Variants in CREB1 observed in about 807,000 individuals in gnomAD.
CREB1 encodes cAMP responsive element binding protein 1.
CREB1 carries 2 observed loss-of-function variants against 42.0 expected under a neutral mutation model. The ratio of observed to expected loss-of-function variants is 0.05; its 90% CI spans 0.02 to 0.15. CREB1 has a LOEUF of 0.15. Ranked by LOEUF, CREB1 falls within the 10% of genes least tolerant of loss-of-function variation. CREB1 has a pLI of 1.00. For synonymous variants in CREB1, 123 were observed against 139.9 expected, an observed-to-expected ratio of 0.88 and a Z score of 0.85; for missense variants, 199 against 388.9, an observed-to-expected ratio of 0.51 and a Z score of 4.11.
chr2:207,576,761 A>G (rs191044965), intron 6 of CREB1: 1 of 1,068,384 alleles, frequency 9.4e-7, no homozygotes, highest in Non-Finnish European at 1.2e-6. Flanking sequence ...AATAATTAAT[A>G]TGAATAATTT....
rs1267176059 is a variant in CREB1 at position 207,604,736 on chromosome 2, A to T, written c.*7678A>T. On this transcript the variant is annotated 3_prime_UTR_variant, in exon 8 of 8. Transcript: ENST00000353267. ...CAAAAGTAAAGTCCCGTTACTCTCC[A>T]TTTTCTCCTCCCACCGCCCTTGTCC... Among the ~76,000 whole-genome samples the T allele has an allele frequency of 1.3e-5, 2 of 151,792 alleles. No homozygotes were observed. Among genetic ancestry groups the T allele is most frequent in the African/African-American group, 4.8e-5 (2 of 41,288 alleles).
At chr2:207,557,091 T>TTCCAGCCGGGG (rs1214746029) in intron 2 of CREB1, among the ~76,000 whole-genome samples, 39 of 152,010 alleles carry the variant, frequency 2.6e-4, no homozygotes, top group Middle Eastern at 3.2e-3. Flanking sequence ...TGAACTGAGA[T>TTCCAGCCGGGG]TGCGCCACTG....
intron 5 of CREB1, among the ~76,000 whole-genome samples, chr2:207,570,629 A>G (rs1036818206): frequency 9.2e-5 from 14 of 152,256 alleles, no homozygotes; most frequent in Admixed American, 2.0e-4. Context: ...TTGAGGCCTC[A>G]TGTGTTGAGA....
rs905874599 is a variant in CREB1 at position 207,598,055 on chromosome 2, A to T, written c.*997A>T. Reference sequence around the variant, plus strand: ...CACCAAGAAAGCCTTCAAGATGTCAAATAAAGCAAAGTGATATATATTTGT... The same window carrying T: ...CACCAAGAAAGCCTTCAAGATGTCATATAAAGCAAAGTGATATATATTTGT... On this transcript the variant is annotated 3_prime_UTR_variant, in exon 8 of 8. Coordinates refer to ENST00000353267, the MANE Select transcript of CREB1 (RefSeq NM_004379.5). 1 of 181,378 alleles carries T rather than the reference A, an allele frequency of 5.5e-6. No homozygotes were observed. The allele number at this position is 181,378 out of a possible 1,614,324, so 11.2% of individuals were successfully genotyped here.
At chr2:207,534,205 A>G (rs889895) in intron 1 of CREB1, among the ~76,000 whole-genome samples, 24,092 of 152,206 alleles carry the variant, frequency 0.16, 2,100 homozygotes, top group Middle Eastern at 0.21. Context: ...TGCAAGTGTC[A>G]AGTGCTCAAG....
intron 7 of CREB1, among the ~76,000 whole-genome samples, chr2:207,579,504 A>G (rs1400426292): frequency 1.3e-5 from 2 of 152,120 alleles, no homozygotes; most frequent in East Asian, 1.9e-4. Flanking sequence ...TTTTTGTTCT[A>G]TTTATTTTTC....
At chr2:207,532,068 A>T (rs1268760615) in intron 1 of CREB1, among the ~76,000 whole-genome samples, 1 of 152,088 alleles carries the variant, frequency 6.6e-6, no homozygotes, top group African/African-American at 2.4e-5. Flanking sequence ...TCTTGTTAAG[A>T]ATATAAGTCG....
intron 1 of CREB1, among the ~76,000 whole-genome samples, chr2:207,549,719 C>T (rs577497541): frequency 1.3e-5 from 2 of 152,154 alleles, no homozygotes; most frequent in South Asian, 4.2e-4. Context: ...TAGACGAGCT[C>T]ACACCTGTAG....
chr2:207,559,855 G>A (rs1406339957), intron 2 of CREB1, among the ~76,000 whole-genome samples: 1 of 152,194 alleles, frequency 6.6e-6, no homozygotes, highest in Non-Finnish European at 1.5e-5. Flanking sequence ...TTATCACCCA[G>A]TCTTCAGTTT....
rs1017236546 is a variant in CREB1, at chr2:207,601,098, A to G, written c.*4040A>G. ...AAGTGAGTTTTAGAAATAGTGTTAC[A>G]TACCTTTTCAGTTGTTTTCAAGAGG... On this transcript the variant is annotated 3_prime_UTR_variant, in exon 8 of 8. Coordinates refer to ENST00000353267, the MANE Select transcript of CREB1 (RefSeq NM_004379.5). 1.8e-5 allele frequency: 3 copies of G among 169,762 alleles called. No homozygotes were observed. The highest frequency in any genetic ancestry group is 9.4e-5 in the East Asian group (1 of 10,626). The allele number at this position is 169,762 out of a possible 1,614,324, so 10.5% of individuals were successfully genotyped here.
rs1442030102 is a variant in CREB1, at chr2:207,601,603, T to C, written c.*4545T>C. The stretch of plus-strand genomic sequence containing the variant: ...TATCCTCATCACAACATTAATACTG[T>C]ACATAGTATGCCAAAATATCCATTA... On this transcript the variant is annotated 3_prime_UTR_variant, in exon 8 of 8. Coordinates refer to ENST00000353267, the MANE Select transcript of CREB1 (RefSeq NM_004379.5). 9 of 207,454 alleles carry C rather than the reference T, an allele frequency of 4.3e-5. No individual in the cohort carries two copies. Among genetic ancestry groups the C allele is most frequent in the African/African-American group, 2.0e-4 (9 of 43,980 alleles). The allele number at this position is 207,454 out of a possible 1,614,324, so 12.9% of individuals were successfully genotyped here. A position where few individuals can be genotyped will look rare whatever the true frequency, so the allele number is the denominator to read the frequency against.
intron 1 of CREB1, among the ~76,000 whole-genome samples, chr2:207,554,184 T>G (rs1197565294): frequency 6.6e-6 from 1 of 152,218 alleles, no homozygotes; most frequent in East Asian, 1.9e-4. Context: ...CATCTGTGTT[T>G]TGTGGATTTT....
intron 1 of CREB1, among the ~76,000 whole-genome samples, chr2:207,549,604 G>A (rs1184220172): frequency 1.3e-5 from 2 of 152,180 alleles, no homozygotes; most frequent in African/African-American, 4.8e-5. Context: ...CTGGGGTGCA[G>A]TGGCTCACGC....
intron 7 of CREB1, 101 bp from the exon 8 acceptor site, chr2:207,596,813 T>C (rs2106636799): frequency 7.5e-7 from 1 of 1,327,402 alleles, no homozygotes; most frequent in East Asian, 2.4e-5. Flanking sequence ...AAAATGTTGG[T>C]TGCTGTGAGC....
In CREB1 at chr2:207,603,133, T is replaced by A. The variant is rs1304278154; in HGVS notation, c.*6075T>A. 7 of 209,918 alleles carry A rather than the reference T, an allele frequency of 3.3e-5. No individual in the cohort carries two copies. Among genetic ancestry groups the A allele is most frequent in the Non-Finnish European group, 5.8e-5 (6 of 103,442 alleles). The allele number at this position is 209,918 out of a possible 1,614,324, so 13.0% of individuals were successfully genotyped here. A position where few individuals can be genotyped will look rare whatever the true frequency, so the allele number is the denominator to read the frequency against. On this transcript the variant is annotated 3_prime_UTR_variant, in exon 8 of 8. Coordinates refer to ENST00000353267, the MANE Select transcript of CREB1 (RefSeq NM_004379.5). The stretch of plus-strand genomic sequence containing the variant: ...TGAGGGAAATACATTTCTAATAAAA[T>A]TCCCTACATTCTAGAAACATCCCTG...
rs1306538204 is a variant in CREB1 at position 207,603,808 on chromosome 2, G to A, written c.*6750G>A. 6.6e-6 allele frequency among the ~76,000 whole-genome samples: 1 copy of A among 152,156 alleles called. No individual in the cohort carries two copies. Among genetic ancestry groups the A allele is most frequent in the South Asian group, 2.1e-4 (1 of 4,826 alleles). ...ACTCTGTGATCATATAAATTGGAAG[G>A]AAAGGGGAGGGGATATGGTTAATCT... On this transcript the variant is annotated 3_prime_UTR_variant, in exon 8 of 8. Coordinates refer to ENST00000353267, the MANE Select transcript of CREB1 (RefSeq NM_004379.5).
intron 1 of CREB1, among the ~76,000 whole-genome samples, chr2:207,549,962 T>G (rs1189391210): frequency 1.4e-5 from 2 of 146,244 alleles, no homozygotes; most frequent in Non-Finnish European, 3.0e-5. Flanking sequence ...AGAGCGAGAC[T>G]CCATCTCAAA....
At chr2:207,559,773 G>A (rs1266917569) in intron 2 of CREB1, among the ~76,000 whole-genome samples, 1 of 152,168 alleles carries the variant, frequency 6.6e-6, no homozygotes, top group African/African-American at 2.4e-5. Context: ...TTCAAGGATA[G>A]TATATCTGTT....
chr2:207,559,419 C>A (rs2106475992), intron 2 of CREB1, among the ~76,000 whole-genome samples: 1 of 152,280 alleles, frequency 6.6e-6, no homozygotes, highest in East Asian at 1.9e-4. Flanking sequence ...CTCTTTTCCC[C>A]ATTCCTTCGC....
Sources: allele counts gnomAD v4.1 joint callset (sites outside exome capture counted in the v4.1 genomes callset), GRCh38; gene constraint gnomAD v4.1.1; transcripts MANE v1.5; gene names NCBI Gene and HGNC (gene_info 2026-07-23, HGNC 2026-07-21).